The following NIPBL variants were observed in gnomAD, a reference collection of about 807,000 sequenced individuals.
NIPBL encodes the protein NIPBL cohesin loading factor.
A neutral mutation model predicts 321.8 loss-of-function variants in NIPBL; 19 were observed. The observed-to-expected ratio is 0.06, with a 90% CI of 0.04 to 0.09. NIPBL has a LOEUF of 0.09. Ranked by LOEUF, NIPBL falls within the 10% of genes least tolerant of loss-of-function variation. NIPBL has a pLI of 1.00. For synonymous variants in NIPBL, 1,106 were observed against 1,114.1 expected (o/e 0.99, Z 0.14); for missense variants, 2,210 against 3,327.0 (o/e 0.66, Z 8.26).
At chr5:37,036,326 T>C in intron 32 of NIPBL, 53 bp from the exon 33 acceptor site, 1 of 417,336 alleles carries the variant, frequency 2.4e-6, no homozygotes, top group Non-Finnish European at 3.7e-6. Context: ...GGATTTTTTT[T>C]TCTTTTTTGT....
At chr5:36,902,550 G>T (rs1747312725) in intron 1 of NIPBL, among the ~76,000 whole-genome samples, 1 of 152,138 alleles carries the variant, frequency 6.6e-6, no homozygotes, top group Non-Finnish European at 1.5e-5. Flanking sequence ...GAGATTAGAT[G>T]TTTTAGGTGT....
At chr5:36,882,557 A>G (rs1290610972) in intron 1 of NIPBL, among the ~76,000 whole-genome samples, 1 of 151,912 alleles carries the variant, frequency 6.6e-6, no homozygotes, top group African/African-American at 2.4e-5. Context: ...CATGATTTGA[A>G]CCACCCAACT....
chr5:36,981,600 A>G (rs1345985603), intron 9 of NIPBL, among the ~76,000 whole-genome samples: 3 of 151,702 alleles, frequency 2.0e-5, no homozygotes, highest in Non-Finnish European at 3.0e-5. Flanking sequence ...TTAAAAGGCT[A>G]TTCATCTTTC....
chr5:37,020,623 G>A lies in NIPBL; in HGVS notation c.5175G>A (p.Lys1725=), dbSNP rs143222832. Residue 1725 remains lysine (K), a synonymous_variant, in exon 26 of 47, where the codon AAG becomes AAA. Coordinates refer to ENST00000282516, the MANE Select transcript of NIPBL (RefSeq NM_133433.4). ...TGCATCGAGCTGAAAACCGAAAAAAGTTTCTTAGAAGCATTATCAAAACCA... is the reference window on the plus strand; with the variant it reads ...TGCATCGAGCTGAAAACCGAAAAAAATTTCTTAGAAGCATTATCAAAACCA... The part of the protein sequence containing the change: ...QIMHRAENRK[K]FLRSIIKTTP... 34 of 1,613,924 alleles carry A rather than the reference G, an allele frequency of 2.1e-5. No homozygotes were observed. In the African/African-American group the frequency reaches 2.5e-4, roughly 12 times the overall value.
At chr5:37,008,503 C>A in intron 19 of NIPBL, 120 bp from the exon 20 acceptor site, 1 of 668,124 alleles carries the variant, frequency 1.5e-6, no homozygotes, top group Non-Finnish European at 2.7e-6. Flanking sequence ...GAGCAGCTTA[C>A]CTTAGATACT....
chr5:36,877,428 G>A (rs1745173038), intron 1 of NIPBL, among the ~76,000 whole-genome samples: 2 of 152,216 alleles, frequency 1.3e-5, no homozygotes, highest in South Asian at 4.1e-4. Flanking sequence ...TAGGCCCGGC[G>A]GAGAGTGCAG....
intron 9 of NIPBL, among the ~76,000 whole-genome samples, chr5:36,981,182 C>T (rs1744095023): frequency 6.6e-6 from 1 of 151,646 alleles, no homozygotes; most frequent in Non-Finnish European, 1.5e-5. Flanking sequence ...GTCTGGCCTA[C>T]TAGTTGCACT....
Position 36,976,269 on chromosome 5 carries a change from G to T in NIPBL, c.1362G>T (p.Gln454His), listed in dbSNP as rs1743439285. The change falls in exon 9 of 47, where the codon CAG becomes CAT. Residue 454 changes from glutamine (Q) to histidine (H), a missense_variant. Gln to His is a conservative substitution (Grantham distance 24). Coordinates refer to ENST00000282516, the MANE Select transcript of NIPBL (RefSeq NM_133433.4). ...AAKQPQTSVVQNQQQISQQGP... is the reference protein window; with the variant it reads ...AAKQPQTSVVHNQQQISQQGP... ...AACAACCCCAGACTTCTGTGGTACA[G>T]AATCAACAACAGATATCACAACAGG... is the stretch of plus-strand genomic sequence containing the variant. 1.2e-6 allele frequency: 2 copies of T among 1,613,734 alleles called. No individual in the cohort carries two copies. The highest frequency in any genetic ancestry group is 1.3e-5 in the African/African-American group (1 of 75,000).
At chr5:37,028,903 C>T (rs555648669) in intron 32 of NIPBL, among the ~76,000 whole-genome samples, 3 of 152,094 alleles carry the variant, frequency 2.0e-5, no homozygotes, top group Non-Finnish European at 4.4e-5. Flanking sequence ...TTTTCTCATG[C>T]GACTTGTATG....
chr5:36,957,961 G>A, intron 3 of NIPBL, 143 bp from the exon 4 acceptor site: 1 of 717,674 alleles, frequency 1.4e-6, no homozygotes, highest in South Asian at 1.7e-5. Context: ...CCAGCCTGGG[G>A]GACAAGAGTG....
chr5:37,003,573 T>C (rs1747074158), intron 16 of NIPBL, among the ~76,000 whole-genome samples: 1 of 152,192 alleles, frequency 6.6e-6, no homozygotes, highest in Non-Finnish European at 1.5e-5. Flanking sequence ...TAGGTATGTA[T>C]GTATAGGAAA....
At chr5:36,920,144 AT>A (rs533771961) in intron 1 of NIPBL, among the ~76,000 whole-genome samples, 109 of 152,288 alleles carry the variant, frequency 7.2e-4, no homozygotes, top group South Asian at 4.8e-3. Flanking sequence ...ATTTCATGGG[AT>A]TAAAAAAAGA....
intron 45 of NIPBL, 134 bp from the exon 46 acceptor site, chr5:37,063,656 T>C (rs930237413): frequency 1.2e-6 from 1 of 819,216 alleles, no homozygotes; most frequent in Non-Finnish European, 1.9e-6. Context: ...AAATGTTTAC[T>C]AGCCCCTAAT....
At chr5:36,961,117 A>G (rs899303033) in intron 4 of NIPBL, among the ~76,000 whole-genome samples, 1 of 152,192 alleles carries the variant, frequency 6.6e-6, no homozygotes, top group African/African-American at 2.4e-5. Flanking sequence ...TTCATGTAAT[A>G]AAAACTACCC....
chr5:37,050,132 C>CT (rs1218255243), intron 40 of NIPBL, among the ~76,000 whole-genome samples: 1 of 151,878 alleles, frequency 6.6e-6, no homozygotes, highest in African/African-American at 2.4e-5. Flanking sequence ...TTGTTGGGTG[C>CT]TTTTTATTAT....
chr5:36,883,846 G>A (rs1384181009), intron 1 of NIPBL, among the ~76,000 whole-genome samples: 2 of 151,360 alleles, frequency 1.3e-5, no homozygotes, highest in Non-Finnish European at 3.0e-5. Flanking sequence ...TGACCAAGTT[G>A]AAGTTTTACA....
At chr5:36,935,853 C>T (rs1738359109) in intron 1 of NIPBL, among the ~76,000 whole-genome samples, 1 of 152,024 alleles carries the variant, frequency 6.6e-6, no homozygotes, top group Admixed American at 6.6e-5. Context: ...CTTGTGGCTA[C>T]CTAAAACCCC....
chr5:36,988,385 T>G (rs1470350187), intron 10 of NIPBL, among the ~76,000 whole-genome samples: 2 of 152,254 alleles, frequency 1.3e-5, no homozygotes, highest in East Asian at 3.9e-4. Context: ...TTAATGTAAC[T>G]GCAATTACAG....
chr5:37,016,288 C>A, intron 23 of NIPBL, 118 bp downstream of exon 23: 1 of 1,067,070 alleles, frequency 9.4e-7, no homozygotes, highest in Non-Finnish European at 1.4e-6. Context: ...AACATTGCAT[C>A]TCTTTTTGCA....
Sources: allele counts gnomAD v4.1 joint callset (sites outside exome capture counted in the v4.1 genomes callset), GRCh38; gene constraint gnomAD v4.1.1; transcripts MANE v1.5; gene names NCBI Gene and HGNC (gene_info 2026-07-23, HGNC 2026-07-21).